Variants in NAALADL2 observed in about 807,000 individuals in gnomAD.
NAALADL2 encodes N-acetylated alpha-linked acidic dipeptidase like 2.
Under a neutral mutation model 87.2 loss-of-function variants are expected in NAALADL2, and 76 were observed. The observed-to-expected ratio is 0.87, with a 90% CI of 0.72 to 1.05. The LOEUF is 1.05. NAALADL2 is among the 50% of genes least tolerant of loss of function. The probability of loss-of-function intolerance (pLI) is 0.00; values close to 1 mark genes in which losing one functional copy is unlikely to be tolerated. For missense variants in NAALADL2, 1,089 were observed against 945.8 expected (o/e 1.15, Z -1.99); for synonymous variants, 354 against 331.0 (o/e 1.07, Z -0.75).
chr3:174,983,196 A>C (rs7625622), intron 1 of NAALADL2, among the ~76,000 whole-genome samples: 14,895 of 152,186 alleles, frequency 0.098, 1,717 homozygotes, highest in African/African-American at 0.28. Context: ...GTAAAAGGAA[A>C]GAGGGGACAG....
At chr3:175,399,692 G>C (rs1439708558) in intron 5 of NAALADL2, among the ~76,000 whole-genome samples, 1 of 152,002 alleles carries the variant, frequency 6.6e-6, no homozygotes, top group African/African-American at 2.4e-5. Flanking sequence ...TTGTCAGCAA[G>C]GTCTTTATGA....
chr3:175,420,586 T>A (rs1715526349), intron 5 of NAALADL2, among the ~76,000 whole-genome samples: 1 of 151,974 alleles, frequency 6.6e-6, no homozygotes, highest in Admixed American at 6.6e-5. Flanking sequence ...ACAAAGCTAA[T>A]AAACAAAAAA....
chr3:175,079,517 G>C (rs1166470912), intron 1 of NAALADL2: 1 of 152,102 alleles, frequency 6.6e-6, no homozygotes, highest in African/African-American at 2.4e-5. Flanking sequence ...AAGTATGCTA[G>C]GTCTTAAGTA....
intron 3 of NAALADL2, among the ~76,000 whole-genome samples, chr3:174,749,946 T>C (rs1734659514): frequency 6.6e-6 from 1 of 152,244 alleles, no homozygotes; most frequent in Non-Finnish European, 1.5e-5. Context: ...ATGAAATTTT[T>C]AAAATTCTTC....
At chr3:175,746,744 A>G (rs1327781188) in intron 12 of NAALADL2, among the ~76,000 whole-genome samples, 1 of 152,216 alleles carries the variant, frequency 6.6e-6, no homozygotes, top group Non-Finnish European at 1.5e-5. Flanking sequence ...TTGTTTGCTC[A>G]AATTAATAGA....
intron 3 of NAALADL2, among the ~76,000 whole-genome samples, chr3:174,817,954 G>C (rs1368096327): frequency 6.6e-6 from 1 of 152,144 alleles, no homozygotes; most frequent in Non-Finnish European, 1.5e-5. Context: ...TATTTCTATA[G>C]TAACTTTATG....
chr3:175,550,157 A>G (rs1380599427), intron 9 of NAALADL2, among the ~76,000 whole-genome samples: 2 of 152,120 alleles, frequency 1.3e-5, no homozygotes, highest in Admixed American at 6.6e-5. Flanking sequence ...TTGAGGGGGA[A>G]GTTAACAGAC....
At chr3:175,409,920 G>A (rs1713167207) in intron 5 of NAALADL2, among the ~76,000 whole-genome samples, 1 of 151,896 alleles carries the variant, frequency 6.6e-6, no homozygotes, top group Admixed American at 6.6e-5. Flanking sequence ...TCATTCAAAG[G>A]GAAGAATCAG....
At chr3:175,671,340 T>C (rs192699367) in intron 11 of NAALADL2, among the ~76,000 whole-genome samples, 2 of 152,086 alleles carry the variant, frequency 1.3e-5, no homozygotes, top group East Asian at 3.9e-4. Context: ...AAGAAAAAAG[T>C]TCATGGTTGC....
At chr3:174,505,710 T>A (rs2108378301) in intron 1 of NAALADL2, among the ~76,000 whole-genome samples, 1 of 152,308 alleles carries the variant, frequency 6.6e-6, no homozygotes, top group East Asian at 1.9e-4. Flanking sequence ...ATTCTGACAC[T>A]TTAAAAAATC....
At chr3:175,572,234 G>T (rs1388206581) in intron 9 of NAALADL2, among the ~76,000 whole-genome samples, 1 of 152,060 alleles carries the variant, frequency 6.6e-6, no homozygotes, top group Non-Finnish European at 1.5e-5. Flanking sequence ...CGGCTCAAAA[G>T]TTAAGTGCTC....
intron 9 of NAALADL2, among the ~76,000 whole-genome samples, chr3:175,516,117 A>T (rs529718371): frequency 6.6e-6 from 1 of 152,256 alleles, no homozygotes; most frequent in Non-Finnish European, 1.5e-5. Flanking sequence ...CAGTTAGGAA[A>T]CAAAGTCTCA....
intron 1 of NAALADL2, among the ~76,000 whole-genome samples, chr3:174,966,494 G>A (rs1052327609): frequency 2.0e-5 from 3 of 152,154 alleles, no homozygotes; most frequent in Non-Finnish European, 4.4e-5. Flanking sequence ...GAAGAGAAGT[G>A]AGCTGATGGG....
At chr3:174,846,536 G>T (rs1462620227) in intron 3 of NAALADL2, among the ~76,000 whole-genome samples, 1 of 152,124 alleles carries the variant, frequency 6.6e-6, no homozygotes, top group South Asian at 2.1e-4. Context: ...AGTTTAGTTA[G>T]TAGTATCTAC....
rs1464713612 is a variant in NAALADL2, at chr3:175,476,589, T to G, written c.1653+4831T>G. ...TAAAAAACAAACAAACAAAAAACAG[T>G]ATTTCTCTTCAAATCACAAGAAATA... On this transcript the variant is annotated intron_variant, in intron 9 of 13. Coordinates refer to ENST00000454872, the MANE Select transcript of NAALADL2 (RefSeq NM_207015.3). 1.3e-5 allele frequency among the ~76,000 whole-genome samples: 2 copies of G among 152,154 alleles called. 1 individual carries two copies. Among genetic ancestry groups the G allele is most frequent in the Non-Finnish European group, 2.9e-5 (2 of 68,022 alleles).
intron 5 of NAALADL2, among the ~76,000 whole-genome samples, chr3:175,388,800 A>G (rs1338729125): frequency 6.6e-6 from 1 of 152,098 alleles, no homozygotes; most frequent in Non-Finnish European, 1.5e-5. Context: ...CCTTCATCCT[A>G]GACTCCACCT....
intron 3 of NAALADL2, among the ~76,000 whole-genome samples, chr3:174,811,566 C>T (rs1312105551): frequency 1.3e-5 from 2 of 152,106 alleles, no homozygotes; most frequent in African/African-American, 4.8e-5. Flanking sequence ...ATGCCTATAC[C>T]CCTGTTGTAT....
intron 2 of NAALADL2, among the ~76,000 whole-genome samples, chr3:175,183,617 C>A (rs912612407): frequency 6.6e-6 from 1 of 151,992 alleles, no homozygotes; most frequent in Non-Finnish European, 1.5e-5. Flanking sequence ...CATTTGTTAA[C>A]ATGGTGTATC....
At chr3:175,063,065 T>C (rs1234164284) in intron 1 of NAALADL2, among the ~76,000 whole-genome samples, 1 of 152,190 alleles carries the variant, frequency 6.6e-6, no homozygotes, top group Non-Finnish European at 1.5e-5. Flanking sequence ...TGGAGCTGGC[T>C]ATGTTTTTTG....
Sources: gnomAD v4.1 joint callset for allele counts (sites outside exome capture counted in the v4.1 genomes callset) on GRCh38, gnomAD v4.1.1 for gene constraint, MANE v1.5 for transcripts, NCBI Gene and HGNC (gene_info 2026-07-23, HGNC 2026-07-21) for gene names.